ATG10: variants seen among roughly 807,000 people sequenced by gnomAD.
The protein encoded by ATG10 is ubiquitin-like-conjugating enzyme ATG10.
In ATG10, 30 loss-of-function variants were observed where a neutral mutation model predicts 32.1. The observed-to-expected ratio is 0.94, with a 90% CI of 0.70 to 1.27. The LOEUF is 1.27. Ranked by LOEUF, ATG10 falls within the 50% of genes most tolerant of loss-of-function variation. The probability of loss-of-function intolerance (pLI) is 0.00; values close to 1 mark genes in which losing one functional copy is unlikely to be tolerated. For synonymous variants in ATG10, 87 were observed against 91.5 expected, an observed-to-expected ratio of 0.95 and a Z score of 0.28; for missense variants, 233 against 262.3, an observed-to-expected ratio of 0.89 and a Z score of 0.77.
intron 2 of ATG10, among the ~76,000 whole-genome samples, chr5:81,991,129 G>A (rs1047150873): frequency 1.3e-5 from 2 of 152,126 alleles, no homozygotes; most frequent in Non-Finnish European, 2.9e-5. Context: ...CTCAATTTGG[G>A]CATATTAGTA....
At chr5:82,033,339 CTTT>C (rs531673501) in intron 2 of ATG10, among the ~76,000 whole-genome samples, 15 of 138,424 alleles carry the variant, frequency 1.1e-4, no homozygotes, top group Non-Finnish European at 7.9e-5. Flanking sequence ...TCTTCTTCTT[CTTT>C]TTTTTTTTTT....
At chr5:82,006,277 G>T (rs1353664025) in intron 2 of ATG10, among the ~76,000 whole-genome samples, 2 of 152,036 alleles carry the variant, frequency 1.3e-5, no homozygotes, top group Non-Finnish European at 2.9e-5. Flanking sequence ...TTGTTGTCCT[G>T]CTGAATTTCT....
At chr5:81,976,920 G>A (rs770732648) in intron 1 of ATG10, among the ~76,000 whole-genome samples, 1 of 152,138 alleles carries the variant, frequency 6.6e-6, no homozygotes, top group Non-Finnish European at 1.5e-5. Context: ...GTGTCGCCCA[G>A]GCTGGAGGGC....
intron 5 of ATG10, among the ~76,000 whole-genome samples, chr5:82,248,376 C>A (rs1309298910): frequency 4.6e-5 from 7 of 152,186 alleles, no homozygotes; most frequent in Admixed American, 4.6e-4. Flanking sequence ...CAGGCCAGCC[C>A]CTCTGGCTAC....
intron 2 of ATG10, among the ~76,000 whole-genome samples, chr5:82,040,124 G>A (rs1369366272): frequency 6.6e-6 from 1 of 152,170 alleles, no homozygotes; most frequent in Non-Finnish European, 1.5e-5. Flanking sequence ...CCTGGAACTG[G>A]CAGAGGGTCA....
chr5:82,196,489 G>A (rs1156428886), intron 5 of ATG10, among the ~76,000 whole-genome samples: 1 of 151,930 alleles, frequency 6.6e-6, no homozygotes, highest in East Asian at 1.9e-4. Flanking sequence ...AACCCTATGT[G>A]GTCTTCTAAG....
chr5:82,007,426 A>T lies in ATG10; in HGVS notation c.108+19748A>T, dbSNP rs147648245. On this transcript the variant is annotated intron_variant, in intron 2 of 7. Coordinates refer to ENST00000282185, the MANE Select transcript of ATG10 (RefSeq NM_031482.5). ...AACTGAATATTTCTATCAGAATATA[A>T]TCAAATTAGAGAGTAAGTAATAGAA... Among the ~76,000 whole-genome samples, 487 of 152,316 alleles carry T rather than the reference A, an allele frequency of 3.2e-3. 8 individuals are homozygous for T. The highest frequency in any genetic ancestry group is 0.021 in the Admixed American group (328 of 15,294).
At chr5:82,184,727 C>A (rs1195281720) in intron 5 of ATG10, among the ~76,000 whole-genome samples, 1 of 152,138 alleles carries the variant, frequency 6.6e-6, no homozygotes, top group Non-Finnish European at 1.5e-5. Flanking sequence ...AAAATACTTT[C>A]TTTGACCTAC....
At chr5:82,100,160 C>T (rs1380633639) in intron 3 of ATG10, among the ~76,000 whole-genome samples, 1 of 151,596 alleles carries the variant, frequency 6.6e-6, no homozygotes, top group Non-Finnish European at 1.5e-5. Flanking sequence ...AGGTGCCTGC[C>T]ACCACACCCA....
chr5:82,108,640 C>T (rs1344836898), intron 3 of ATG10, among the ~76,000 whole-genome samples: 1 of 151,844 alleles, frequency 6.6e-6, no homozygotes, highest in Non-Finnish European at 1.5e-5. Flanking sequence ...TGAGTCTAAG[C>T]CTGATATTCT....
intron 1 of ATG10, among the ~76,000 whole-genome samples, chr5:81,979,324 G>A (rs1033502062): frequency 1.3e-5 from 2 of 152,122 alleles, no homozygotes; most frequent in Non-Finnish European, 2.9e-5. Context: ...TCAGGAGATC[G>A]AGACCATCCT....
chr5:81,984,381 A>C (rs1357983168), intron 1 of ATG10, among the ~76,000 whole-genome samples: 1 of 152,266 alleles, frequency 6.6e-6, no homozygotes, highest in African/African-American at 2.4e-5. Context: ...GCAGCAGTAC[A>C]GTCCAGCTTC....
At chr5:82,012,931 T>C (rs1183116168) in intron 2 of ATG10, among the ~76,000 whole-genome samples, 1 of 152,084 alleles carries the variant, frequency 6.6e-6, no homozygotes, top group African/African-American at 2.4e-5. Flanking sequence ...GTGTTAGGAT[T>C]ACAGGGGTGA....
At chr5:81,973,795 GAAATT>G (rs1760797050) in intron 1 of ATG10, among the ~76,000 whole-genome samples, 1 of 152,248 alleles carries the variant, frequency 6.6e-6, no homozygotes, top group Admixed American at 6.5e-5. Context: ...TGAGTATTGA[GAAATT>G]AAAATTAAAG....
intron 5 of ATG10, among the ~76,000 whole-genome samples, chr5:82,234,926 T>G (rs1223856208): frequency 6.6e-6 from 1 of 152,224 alleles, no homozygotes; most frequent in African/African-American, 2.4e-5. Context: ...ATTTATAATT[T>G]AAACTAATTA....
chr5:82,007,181 C>A (rs1581591362), intron 2 of ATG10, among the ~76,000 whole-genome samples: 1 of 152,194 alleles, frequency 6.6e-6, no homozygotes, highest in African/African-American at 2.4e-5. Context: ...TTCATTATTT[C>A]TACAAATTTT....
At chr5:82,173,247 T>C (rs1487576694) in intron 4 of ATG10, among the ~76,000 whole-genome samples, 1 of 152,174 alleles carries the variant, frequency 6.6e-6, no homozygotes, top group African/African-American at 2.4e-5. Context: ...TGGTGAAATA[T>C]CTCATGCTGT....
intron 5 of ATG10, chr5:82,242,718 T>C (rs1181843472): frequency 3.0e-6 from 1 of 338,022 alleles, no homozygotes; most frequent in East Asian, 8.6e-5. Context: ...ACCTAGAATT[T>C]TATACCTACA....
intron 2 of ATG10, among the ~76,000 whole-genome samples, chr5:82,030,188 C>T (rs930197301): frequency 6.6e-6 from 1 of 152,074 alleles, no homozygotes; most frequent in Non-Finnish European, 1.5e-5. Flanking sequence ...GGCTTCATCG[C>T]AGTTGTTTGT....
Sources: gnomAD v4.1 joint callset for allele counts (sites outside exome capture counted in the v4.1 genomes callset) on GRCh38, gnomAD v4.1.1 for gene constraint, MANE v1.5 for transcripts, NCBI Gene and HGNC (gene_info 2026-07-23, HGNC 2026-07-21) for gene names.